NKAIN2: variants seen among roughly 807,000 people sequenced by gnomAD.
NKAIN2 encodes the protein sodium/potassium-transporting ATPase subunit beta-1-interacting protein 2.
A neutral mutation model predicts 32.6 loss-of-function variants in NKAIN2; 14 were observed. That is an observed-to-expected ratio of 0.43 (90% CI 0.28 to 0.67). The LOEUF is 0.67. Ranked by LOEUF, NKAIN2 falls within the 30% of genes least tolerant of loss-of-function variation. NKAIN2 has a pLI of 0.17. For synonymous variants in NKAIN2, 80 were observed against 87.2 expected, an observed-to-expected ratio of 0.92 and a Z score of 0.46; for missense variants, 198 against 258.3, an observed-to-expected ratio of 0.77 and a Z score of 1.60.
chr6:124,205,464 C>G (rs1461939445), intron 1 of NKAIN2, among the ~76,000 whole-genome samples: 1 of 151,670 alleles, frequency 6.6e-6, no homozygotes, highest in Non-Finnish European at 1.5e-5. Context: ...TTTTACTCTA[C>G]TGGTACCTGA....
intron 3 of NKAIN2, among the ~76,000 whole-genome samples, chr6:124,386,646 G>A (rs1381758307): frequency 6.6e-6 from 1 of 152,146 alleles, no homozygotes; most frequent in Non-Finnish European, 1.5e-5. Context: ...AGTCAGAATT[G>A]TATAAGCTGA....
intron 3 of NKAIN2, among the ~76,000 whole-genome samples, chr6:124,424,095 G>A (rs1774875473): frequency 2.0e-5 from 3 of 151,968 alleles, no homozygotes; most frequent in Admixed American, 2.0e-4. Context: ...CCGGGTTCAC[G>A]CCGTTCTCCT....
intron 1 of NKAIN2, among the ~76,000 whole-genome samples, chr6:123,872,964 C>T (rs2114291504): frequency 6.6e-6 from 1 of 152,208 alleles, no homozygotes; most frequent in Admixed American, 6.5e-5. Flanking sequence ...TTAAATTTTT[C>T]AAAAAGTGTT....
At chr6:124,124,138 T>C (rs1286082486) in intron 1 of NKAIN2, among the ~76,000 whole-genome samples, 1 of 152,222 alleles carries the variant, frequency 6.6e-6, no homozygotes, top group African/African-American at 2.4e-5. Flanking sequence ...AATCTCATGT[T>C]TTATTAATTT....
intron 1 of NKAIN2, among the ~76,000 whole-genome samples, chr6:124,270,260 T>C (rs1794696054): frequency 6.6e-6 from 1 of 152,204 alleles, no homozygotes; most frequent in Admixed American, 6.5e-5. Context: ...AGGGCAGAAC[T>C]ATTGGAGGGC....
intron 1 of NKAIN2, among the ~76,000 whole-genome samples, chr6:123,952,515 A>G (rs1327957054): frequency 6.6e-6 from 1 of 152,100 alleles, no homozygotes; most frequent in South Asian, 2.1e-4. Flanking sequence ...TGAAACCTCA[A>G]ATTTGAATAT....
intron 1 of NKAIN2, among the ~76,000 whole-genome samples, chr6:123,922,266 A>G (rs754852929): frequency 6.6e-6 from 1 of 152,206 alleles, no homozygotes; most frequent in East Asian, 1.9e-4. Context: ...AATGCTATGT[A>G]GCCTCTAAGA....
chr6:124,625,985 C>T (rs752120818), intron 3 of NKAIN2, among the ~76,000 whole-genome samples: 16 of 151,388 alleles, frequency 1.1e-4, no homozygotes, highest in Non-Finnish European at 1.8e-4. Context: ...GGTACATGTG[C>T]ACAATATGCA....
At chr6:124,423,108 T>G (rs1016755211) in intron 3 of NKAIN2, among the ~76,000 whole-genome samples, 5 of 152,244 alleles carry the variant, frequency 3.3e-5, no homozygotes, top group Admixed American at 1.3e-4. Flanking sequence ...CAAATACAAA[T>G]GCACACCTGT....
rs142582186 is a variant in NKAIN2 at position 124,275,588 on chromosome 6, A to T, written c.55-7417A>T. ...TGTTTGAAGCCTATTCTTTTACCAT[A>T]GTACCACAACAGATTTAATATATGG... On this transcript the variant is annotated intron_variant, in intron 1 of 6. Transcript: ENST00000368417. Among the ~76,000 whole-genome samples the T allele has an allele frequency of 2.1e-3, 321 of 152,270 alleles. 1 individual carries two copies. The highest frequency in any genetic ancestry group is 6.9e-3 in the African/African-American group (285 of 41,576).
chr6:123,846,201 A>C (rs1179277027), intron 1 of NKAIN2, among the ~76,000 whole-genome samples: 2 of 152,172 alleles, frequency 1.3e-5, no homozygotes, highest in Non-Finnish European at 2.9e-5. Context: ...TATCATTTCT[A>C]GGTGTGTGTA....
intron 1 of NKAIN2, among the ~76,000 whole-genome samples, chr6:124,138,190 G>A (rs970277258): frequency 1.3e-5 from 2 of 151,994 alleles, no homozygotes; most frequent in African/African-American, 2.4e-5. Context: ...TGAATAGACA[G>A]TTCTCAAAAG....
At chr6:124,791,436 CA>C in intron 5 of NKAIN2, 37 bp downstream of exon 5, 1 of 1,414,706 alleles carries the variant, frequency 7.1e-7, no homozygotes. Context: ...CTTTCAAGTT[CA>C]AAGCATCTCC....
intron 3 of NKAIN2, among the ~76,000 whole-genome samples, chr6:124,613,871 A>T (rs754853629): frequency 2.0e-4 from 30 of 152,304 alleles, no homozygotes; most frequent in Non-Finnish European, 2.6e-4. Context: ...GAAACCTAGA[A>T]GATGCCATTA....
At chr6:124,721,800 AT>A (rs935889514) in intron 4 of NKAIN2, among the ~76,000 whole-genome samples, 1 of 152,130 alleles carries the variant, frequency 6.6e-6, no homozygotes, top group African/African-American at 2.4e-5. Context: ...AGCAGCAGCT[AT>A]TTTTTTAATT....
chr6:123,846,065 T>C (rs749830603), intron 1 of NKAIN2, among the ~76,000 whole-genome samples: 3 of 152,224 alleles, frequency 2.0e-5, no homozygotes, highest in Non-Finnish European at 2.9e-5. Context: ...TACATTTTTA[T>C]ATGAATGTTT....
At chr6:124,038,988 A>G (rs1781736279) in intron 1 of NKAIN2, among the ~76,000 whole-genome samples, 1 of 152,110 alleles carries the variant, frequency 6.6e-6, no homozygotes, top group Non-Finnish European at 1.5e-5. Context: ...TTTCATGGTC[A>G]TGGTTAATTA....
At chr6:124,501,456 A>G (rs921755126) in intron 3 of NKAIN2, among the ~76,000 whole-genome samples, 1 of 152,224 alleles carries the variant, frequency 6.6e-6, no homozygotes, top group African/African-American at 2.4e-5. Flanking sequence ...GAAAAAAAAC[A>G]AAACAAAAAC....
chr6:124,369,794 A>G (rs1270761572), intron 3 of NKAIN2, among the ~76,000 whole-genome samples: 3 of 151,344 alleles, frequency 2.0e-5, no homozygotes, highest in African/African-American at 4.9e-5. Context: ...TATTTAAACT[A>G]CTACCCAGAC....
Sources: allele counts gnomAD v4.1 joint callset (sites outside exome capture counted in the v4.1 genomes callset), GRCh38; gene constraint gnomAD v4.1.1; transcripts MANE v1.5; gene names NCBI Gene and HGNC (gene_info 2026-07-23, HGNC 2026-07-21).